PLCG2: variants seen among roughly 807,000 people sequenced by gnomAD.
PLCG2 encodes phospholipase C gamma 2, also known as 1-phosphatidylinositol 4,5-bisphosphate phosphodiesterase gamma-2.
In PLCG2, 69 loss-of-function variants were observed where a neutral mutation model predicts 175.6. The observed-to-expected ratio is 0.39, with a 90% CI of 0.32 to 0.48. The LOEUF (loss-of-function observed/expected upper bound fraction) is 0.48. PLCG2 is among the 20% of genes least tolerant of loss of function. PLCG2 has a pLI of 0.91. For missense variants in PLCG2, 1,798 were observed against 1,650.9 expected (o/e 1.09, Z -1.54); for synonymous variants, 827 against 624.0 (o/e 1.33, Z -4.85).
intron 2 of PLCG2, among the ~76,000 whole-genome samples, chr16:81,844,960 T>TG (rs1365002039): frequency 1.3e-5 from 2 of 152,140 alleles, no homozygotes; most frequent in Admixed American, 6.5e-5. Flanking sequence ...GACAGGGTCT[T>TG]GCTCTCTTGC....
chr16:81,830,013 G>A (rs892300703), intron 2 of PLCG2, among the ~76,000 whole-genome samples: 3 of 152,092 alleles, frequency 2.0e-5, no homozygotes, highest in Non-Finnish European at 4.4e-5. Context: ...CCTTCAAGGA[G>A]TGGAGAGATT....
intron 2 of PLCG2, among the ~76,000 whole-genome samples, chr16:81,758,287 AT>A (rs1909971044): frequency 6.6e-6 from 1 of 152,098 alleles, no homozygotes; most frequent in African/African-American, 2.4e-5. Context: ...CTCACTTAGC[AT>A]TGCATTTTCA....
Position 81,895,906 on chromosome 16 carries a change from A to T in PLCG2, c.1172A>T (p.Asp391Val). Residue 391 changes from aspartate to valine, a missense_variant, in exon 13 of 33, where the codon GAC (aspartate) becomes GTC (valine). Physicochemically the swap from Asp to Val is radical, Grantham distance 152 (BLOSUM62 -3). Transcript: ENST00000564138. The stretch of plus-strand genomic sequence containing the variant: ...GACGACGTCGTGCAGGCCATCAAAG[A>T]CCACGCCTTTGTTACCTCGAGGTCA... ...KFDDVVQAIK[D>V]HAFVTSSFPV... 1 of 1,613,960 alleles carries T rather than the reference A, an allele frequency of 6.2e-7. No individual in the cohort carries two copies. The highest frequency in any genetic ancestry group is 8.5e-7 in the Non-Finnish European group (1 of 1,179,960).
intron 5 of PLCG2, among the ~76,000 whole-genome samples, chr16:81,865,818 G>A (rs900571960): frequency 6.8e-6 from 1 of 146,862 alleles, no homozygotes; most frequent in African/African-American, 2.5e-5. Context: ...ACCAGCATGA[G>A]AGGACGCTGG....
At chr16:81,947,416 ATT>A (rs1176567738) in intron 31 of PLCG2, among the ~76,000 whole-genome samples, 1 of 152,160 alleles carries the variant, frequency 6.6e-6, no homozygotes, top group African/African-American at 2.4e-5. Context: ...GCAGCTCGGC[ATT>A]TCTGTCCACA....
chr16:81,867,641 T>G (rs1907307612), intron 5 of PLCG2, among the ~76,000 whole-genome samples: 2 of 152,138 alleles, frequency 1.3e-5, no homozygotes, highest in South Asian at 4.1e-4. Flanking sequence ...TTGTTACTAT[T>G]GTTACTGCTG....
At chr16:81,810,422 G>A (rs907013259) in intron 2 of PLCG2, among the ~76,000 whole-genome samples, 1 of 152,176 alleles carries the variant, frequency 6.6e-6, no homozygotes, top group East Asian at 1.9e-4. Context: ...TGGTGAATTT[G>A]CCTTTCTGCT....
At chr16:81,763,773 C>A (rs1278623265) in intron 2 of PLCG2, among the ~76,000 whole-genome samples, 3 of 151,858 alleles carry the variant, frequency 2.0e-5, no homozygotes, top group Admixed American at 2.0e-4. Context: ...TCGAGACCAG[C>A]CTGGCCAACA....
intron 24 of PLCG2, chr16:81,928,837 A>C (rs530497122): frequency 4.1e-6 from 2 of 485,880 alleles, no homozygotes; most frequent in East Asian, 5.7e-5. Context: ...GTGCTAAAAC[A>C]AGGTCTCGTA....
chr16:81,866,934 A>C (rs887467713), intron 5 of PLCG2, among the ~76,000 whole-genome samples: 5 of 152,304 alleles, frequency 3.3e-5, no homozygotes, highest in South Asian at 2.1e-4. Context: ...CCCTGGGGCA[A>C]CTTCCCTAGC....
At chr16:81,796,432 G>A (rs936934289) in intron 2 of PLCG2, among the ~76,000 whole-genome samples, 1 of 152,260 alleles carries the variant, frequency 6.6e-6, no homozygotes, top group Non-Finnish European at 1.5e-5. Flanking sequence ...GGCACGGCCA[G>A]CCTTTCCTGG....
intron 5 of PLCG2, among the ~76,000 whole-genome samples, chr16:81,859,783 A>G (rs551734468): frequency 1.2e-4 from 19 of 152,132 alleles, no homozygotes; most frequent in Admixed American, 2.0e-4. Context: ...TGATCCGCCC[A>G]CCTTGGCCTC....
intron 5 of PLCG2, among the ~76,000 whole-genome samples, chr16:81,864,232 G>C (rs1051926721): frequency 2.6e-5 from 4 of 152,204 alleles, no homozygotes; most frequent in African/African-American, 9.7e-5. Context: ...CCAATCCCCA[G>C]GTGATGTAGA....
rs67160306 is a variant in PLCG2 at position 81,787,393 on chromosome 16, A to ATTTTTT, written c.193+1224_193+1229dup. 8.4e-3 allele frequency among the ~76,000 whole-genome samples: 793 copies of ATTTTTT among 94,518 alleles called. 88 individuals are homozygous for ATTTTTT. Among genetic ancestry groups the ATTTTTT allele is most frequent in the African/African-American group, 0.032 (688 of 21,832 alleles). 62.0% of individuals were successfully genotyped at this position (94,518 alleles called of 152,430 possible). On this transcript the variant is annotated intron_variant, in intron 2 of 32. Transcript: ENST00000564138. ...TGCACCGCCATGCCTGGATAATTTA[A>ATTTTTT]TTTTTTTTTTTTTTTTTTGTAGAGA...
intron 2 of PLCG2, among the ~76,000 whole-genome samples, chr16:81,825,953 G>A (rs368648981): frequency 1.3e-5 from 2 of 152,188 alleles, no homozygotes; most frequent in East Asian, 1.9e-4. Flanking sequence ...TTGGACCAGA[G>A]AAATTTTCTC....
chr16:81,791,466 A>C (rs1292355039), intron 2 of PLCG2, among the ~76,000 whole-genome samples: 1 of 152,114 alleles, frequency 6.6e-6, no homozygotes, highest in African/African-American at 2.4e-5. Context: ...GCCTGGACTG[A>C]GGTCATTTGG....
At chr16:81,810,074 C>T (rs1055074224) in intron 2 of PLCG2, among the ~76,000 whole-genome samples, 1 of 152,028 alleles carries the variant, frequency 6.6e-6, no homozygotes, top group African/African-American at 2.4e-5. Context: ...TCACTGCAAC[C>T]TCCTCCTCCT....
chr16:81,870,195 T>C (rs7342694), intron 6 of PLCG2, among the ~76,000 whole-genome samples: 83,249 of 152,058 alleles, frequency 0.55, 23,530 homozygotes, highest in Middle Eastern at 0.62. Context: ...GCTACACAGT[T>C]GCCATTTAAT....
At chr16:81,903,578 C>T (rs1341853656) in intron 14 of PLCG2, among the ~76,000 whole-genome samples, 3 of 152,326 alleles carry the variant, frequency 2.0e-5, no homozygotes, top group Admixed American at 2.0e-4. Context: ...ATAGCTGCAG[C>T]ACTGTTTGCA....
Sources: allele counts gnomAD v4.1 joint callset (sites outside exome capture counted in the v4.1 genomes callset), GRCh38; gene constraint gnomAD v4.1.1; transcripts MANE v1.5; gene names NCBI Gene and HGNC (gene_info 2026-07-23, HGNC 2026-07-21).